FAM149A: variants seen among roughly 807,000 people sequenced by gnomAD.
FAM149A encodes protein FAM149A.
FAM149A carries 71 observed loss-of-function variants against 78.2 expected under a neutral mutation model. The ratio of observed to expected loss-of-function variants is 0.91; its 90% CI spans 0.75 to 1.11. The LOEUF (loss-of-function observed/expected upper bound fraction) is 1.11. FAM149A is among the 50% of genes least tolerant of loss of function. FAM149A has a pLI of 0.00. For missense variants in FAM149A, 1,036 were observed against 971.0 expected (o/e 1.07, Z -0.89); for synonymous variants, 446 against 410.5 (o/e 1.09, Z -1.04).
intron 9 of FAM149A, 103 bp from the exon 10 acceptor site, chr4:186,163,321 A>T: frequency 2.4e-6 from 2 of 846,044 alleles, no homozygotes; most frequent in Admixed American, 2.0e-5. Context: ...AGTATGTTCT[A>T]GGTGCCAGAC....
intron 3 of FAM149A, 197 bp from the exon 4 acceptor site, chr4:186,151,706 G>C (rs543625967): frequency 1.0e-6 from 1 of 985,100 alleles, no homozygotes; most frequent in African/African-American, 1.7e-5. Context: ...AAGAATCCGA[G>C]GCTCAGAATG....
At chr4:186,145,124 C>T in intron 1 of FAM149A, 1 of 985,622 alleles carries the variant, frequency 1.0e-6, no homozygotes, top group South Asian at 4.7e-5. Flanking sequence ...TGAGTCTCAT[C>T]CGGCAGCAGG....
chr4:186,119,449 G>T (rs2099315079), intron 1 of FAM149A, among the ~76,000 whole-genome samples: 1 of 152,214 alleles, frequency 6.6e-6, no homozygotes, highest in Admixed American at 6.5e-5. Flanking sequence ...TTCAGAAGCA[G>T]ATGGTCTTTG....
chr4:186,118,493 G>T (rs1418311889), intron 1 of FAM149A, among the ~76,000 whole-genome samples: 2 of 152,040 alleles, frequency 1.3e-5, no homozygotes, highest in African/African-American at 2.4e-5. Flanking sequence ...TTTATTTTTT[G>T]ATTTTTATTA....
At chr4:186,124,893 G>A (rs13106281) in intron 1 of FAM149A, among the ~76,000 whole-genome samples, 36,756 of 151,876 alleles carry the variant, frequency 0.24, 4,802 homozygotes, top group African/African-American at 0.32. Context: ...GTGTAAAAGT[G>A]TTCCTATTTC....
At chr4:186,128,573 T>G (rs1034114947) in intron 1 of FAM149A, among the ~76,000 whole-genome samples, 1 of 152,218 alleles carries the variant, frequency 6.6e-6, no homozygotes, top group Non-Finnish European at 1.5e-5. Context: ...TATGTATTTT[T>G]GTTTATTATG....
chr4:186,167,414 C>G (rs1735142512), intron 13 of FAM149A, 152 bp downstream of exon 13: 1 of 747,502 alleles, frequency 1.3e-6, no homozygotes, highest in Non-Finnish European at 2.4e-6. Context: ...CCTCAGAAAC[C>G]TCGATCACAG....
chr4:186,160,290 A>C (rs1734462031), intron 8 of FAM149A, among the ~76,000 whole-genome samples: 1 of 133,850 alleles, frequency 7.5e-6, no homozygotes. Context: ...ACCACACACC[A>C]AACACACACC....
chr4:186,165,887 C>A (rs891038304), intron 11 of FAM149A, among the ~76,000 whole-genome samples: 2 of 152,170 alleles, frequency 1.3e-5, no homozygotes, highest in Non-Finnish European at 2.9e-5. Flanking sequence ...TGATTCTTAC[C>A]TCTAAAGAAT....
chr4:186,121,449 C>T (rs1561388093), intron 1 of FAM149A, among the ~76,000 whole-genome samples: 1 of 151,956 alleles, frequency 6.6e-6, no homozygotes, highest in Non-Finnish European at 1.5e-5. Flanking sequence ...TCTTGAGGAT[C>T]TATAAAATAT....
intron 1 of FAM149A, chr4:186,109,540 C>A: frequency 1.0e-6 from 1 of 985,316 alleles, no homozygotes; most frequent in African/African-American, 1.7e-5. Flanking sequence ...TAATTCTGGG[C>A]AGGTCATTCA....
intron 1 of FAM149A, among the ~76,000 whole-genome samples, chr4:186,142,208 C>T (rs936888181): frequency 3.3e-5 from 5 of 152,160 alleles, no homozygotes; most frequent in Non-Finnish European, 5.9e-5. Flanking sequence ...TGCCTGGCTC[C>T]GCCACCTCTC....
At chr4:186,116,406 C>T (rs2099313717) in intron 1 of FAM149A, 2 of 971,816 alleles carry the variant, frequency 2.1e-6, no homozygotes, top group Non-Finnish European at 2.4e-6. Context: ...ATTTGGCCAT[C>T]TTGGCTCCTC....
intron 1 of FAM149A, among the ~76,000 whole-genome samples, chr4:186,129,087 G>T (rs1218483989): frequency 6.6e-6 from 1 of 151,602 alleles, no homozygotes; most frequent in Non-Finnish European, 1.5e-5. Context: ...CCATGTATGT[G>T]TATGGGTGTG....
intron 1 of FAM149A, chr4:186,110,227 CCAGGGG>C: frequency 1.0e-6 from 1 of 985,270 alleles, no homozygotes; most frequent in South Asian, 4.7e-5. Flanking sequence ...TTACAACAAC[CCAGGGG>C]CAGTTTAAAT....
chr4:186,150,565 G>A lies in FAM149A; in HGVS notation c.789+861G>A, dbSNP rs199904403. Among the ~76,000 whole-genome samples, 777 of 87,626 alleles carry A rather than the reference G, an allele frequency of 8.9e-3. 19 individuals are homozygous for A. The highest frequency in any genetic ancestry group is 0.078 in the East Asian group (241 of 3,090). The allele number at this position is 87,626 out of a possible 152,430, so 57.5% of individuals were successfully genotyped here. A position where few individuals can be genotyped will look rare whatever the true frequency, so the allele number is the denominator to read the frequency against. On this transcript the variant is annotated intron_variant, in intron 3 of 13. Coordinates refer to ENST00000389354, the MANE Select transcript of FAM149A (RefSeq NM_001367768.3). Reference sequence around the variant, plus strand: ...CTCCCGAGTAGCTGGGACCACAGGCGCCCACCACCACGCCCGGCTAATTTT... The same window carrying A: ...CTCCCGAGTAGCTGGGACCACAGGCACCCACCACCACGCCCGGCTAATTTT...
At chr4:186,151,169 G>T (rs956708389) in intron 3 of FAM149A, 1 of 541,418 alleles carries the variant, frequency 1.8e-6, no homozygotes, top group Non-Finnish European at 2.4e-6. Flanking sequence ...TTTCACGCAC[G>T]CAGCTCCCTT....
At chr4:186,129,592 G>C (rs2099319707) in intron 1 of FAM149A, among the ~76,000 whole-genome samples, 3 of 152,170 alleles carry the variant, frequency 2.0e-5, no homozygotes, top group African/African-American at 7.2e-5. Flanking sequence ...GCAGGAATTA[G>C]GGTGACCAGC....
chr4:186,131,452 G>A (rs1478888354), intron 1 of FAM149A, among the ~76,000 whole-genome samples: 1 of 152,194 alleles, frequency 6.6e-6, no homozygotes, highest in Non-Finnish European at 1.5e-5. Context: ...CAGCAAGCCA[G>A]GACAACACCC....
Sources: gnomAD v4.1 joint callset for allele counts (sites outside exome capture counted in the v4.1 genomes callset) on GRCh38, gnomAD v4.1.1 for gene constraint, MANE v1.5 for transcripts, NCBI Gene and HGNC (gene_info 2026-07-23, HGNC 2026-07-21) for gene names.